RPL3: variants seen among roughly 807,000 people sequenced by gnomAD.
RPL3 encodes the protein large ribosomal subunit protein uL3.
Under a neutral mutation model 46.0 loss-of-function variants are expected in RPL3, and 3 were observed. That is an observed-to-expected ratio of 0.07 (90% CI 0.03 to 0.17). The LOEUF is 0.17. RPL3 is among the 10% of genes least tolerant of loss of function. The pLI is 1.00. For missense variants in RPL3, 387 were observed against 532.7 expected (o/e 0.73, Z 2.69); for synonymous variants, 224 against 190.8 (o/e 1.17, Z -1.43).
chr22:39,317,397 C>T (rs990224557), intron 3 of RPL3, 64 bp downstream of exon 3: 34 of 1,553,676 alleles, frequency 2.2e-5, no homozygotes, highest in Admixed American at 1.8e-4. Context: ...ACCATGCACA[C>T]GCTGCTCCCT....
At chr22:39,318,217 T>C (rs1423718062) in intron 2 of RPL3, 183 bp downstream of exon 2, 4 of 619,854 alleles carry the variant, frequency 6.5e-6, no homozygotes, top group African/African-American at 3.7e-5. Context: ...GCTGACCATC[T>C]GTAGCCTTGG....
chr22:39,314,231 A>G (rs371100633), intron 6 of RPL3, 23 bp from the exon 7 acceptor site: 160 of 1,602,788 alleles, frequency 1.0e-4, no homozygotes, highest in Non-Finnish European at 1.2e-4. Context: ...GAAGGGTGTA[A>G]GGCTGGGGCA....
At chr22:39,317,667 C>T in intron 2 of RPL3, 38 bp from the exon 3 acceptor site, 1 of 1,606,746 alleles carries the variant, frequency 6.2e-7, no homozygotes, top group Non-Finnish European at 8.5e-7. Context: ...TGGCAGGAGC[C>T]CAAGCAAGGG....
intron 5 of RPL3, 104 bp from the exon 6 acceptor site, chr22:39,314,950 G>A (rs1958880143): frequency 6.7e-7 from 1 of 1,481,656 alleles, no homozygotes; most frequent in Non-Finnish European, 9.2e-7. Context: ...CTGAGGGAGT[G>A]ATAAGATTAT....
In RPL3 at chr22:39,318,390, C is replaced by G. The variant is rs2146519816; in HGVS notation, c.196+10G>C. On this transcript the variant is annotated intron_variant, in intron 2 of 9. Transcript: ENST00000216146. ...CCTATTCCCCCAACTTTTAGGATGT[C>G]TGTACATACTGGATCCCGGCCTGTC... 1 of 1,613,080 alleles carries G rather than the reference C, an allele frequency of 6.2e-7. No individual in the cohort carries two copies. The highest frequency in any genetic ancestry group is 1.7e-4 in the Middle Eastern group (1 of 6,050).
At chr22:39,313,117 C>T (rs891754778) in intron 9 of RPL3, 74 bp downstream of exon 9, 10 of 1,597,612 alleles carry the variant, frequency 6.3e-6, no homozygotes, top group African/African-American at 2.7e-5. Context: ...ACCACCCCTA[C>T]CCCGGCTGGA....
chr22:39,319,032 CAAAGA>C (rs746848804), intron 1 of RPL3: 12 of 537,822 alleles, frequency 2.2e-5, no homozygotes, highest in Non-Finnish European at 4.2e-5. Flanking sequence ...ACACACAGGC[CAAAGA>C]ACTCCGCAGA....
intron 5 of RPL3, 93 bp from the exon 6 acceptor site, chr22:39,314,939 T>C: frequency 6.6e-7 from 1 of 1,510,634 alleles, no homozygotes; most frequent in Non-Finnish European, 9.0e-7. Flanking sequence ...GGCTGGGTCA[T>C]CTGAGGGAGT....
intron 1 of RPL3, 129 bp from the exon 2 acceptor site, chr22:39,318,721 A>G: frequency 1.3e-6 from 1 of 761,898 alleles, no homozygotes; most frequent in Non-Finnish European, 2.1e-6. Context: ...CAAGCCGAAT[A>G]AAAAGGTCAT....
chr22:39,316,991 G>A (rs1202183432), intron 3 of RPL3, 150 bp from the exon 4 acceptor site: 4 of 1,204,402 alleles, frequency 3.3e-6, no homozygotes, highest in Admixed American at 1.9e-5. Flanking sequence ...GCGGAGCCTG[G>A]ATGGAGCTCA....
intron 1 of RPL3, 140 bp from the exon 2 acceptor site, chr22:39,318,732 T>C: frequency 1.4e-6 from 1 of 700,610 alleles, no homozygotes. Context: ...AAAAGGTCAT[T>C]ATCTCTTCCA....
At chr22:39,318,764 C>A in intron 1 of RPL3, 172 bp from the exon 2 acceptor site, 1 of 617,230 alleles carries the variant, frequency 1.6e-6, no homozygotes, top group South Asian at 2.0e-5. Context: ...GTCAAGAATG[C>A]TTTTGTATTC....
chr22:39,318,235 G>C (rs937948249), intron 2 of RPL3, 165 bp downstream of exon 2: 74 of 664,080 alleles, frequency 1.1e-4, no homozygotes, highest in Non-Finnish European at 1.5e-4. Context: ...TGGAATATTA[G>C]TTTTCAAGTT....
intron 9 of RPL3, 57 bp downstream of exon 9, chr22:39,313,134 G>C (rs1601626132): frequency 1.3e-6 from 2 of 1,599,104 alleles, no homozygotes; most frequent in Non-Finnish European, 1.7e-6. Flanking sequence ...TGGAGCCAAA[G>C]GCAGGCGGCT....
At position 39,317,613 on chromosome 22, in the gene RPL3, C is replaced by G. The variant is rs757405581; in HGVS notation, c.213G>C (p.Glu71Asp). 19 of 1,613,836 alleles carry G rather than the reference C, an allele frequency of 1.2e-5. No homozygotes were observed. The highest frequency in any genetic ancestry group is 1.6e-5 in the Non-Finnish European group (19 of 1,179,772). The change falls in exon 3 of 10, where the codon GAG (glutamate) becomes GAC (aspartate). Residue 71 changes from glutamate (E) to aspartate (D), a missense_variant. Transcript: ENST00000216146. ...CTACAATGGTCACAGCCTCCACCAC[C>G]TCCTTCTTGTTCACCTCTGCAAAAA... ...DRPGSKVNKKEVVEAVTIVET... is the reference protein window; with the variant it reads ...DRPGSKVNKKDVVEAVTIVET...
intron 2 of RPL3, 61 bp downstream of exon 2, chr22:39,318,339 C>T: frequency 6.4e-7 from 1 of 1,567,014 alleles, no homozygotes; most frequent in Non-Finnish European, 8.7e-7. Flanking sequence ...TTGACTCCAT[C>T]TCTACAATTT....
rs1156266825 is a variant in RPL3, at chr22:39,318,504, C to G, written c.92G>C (p.Ser31Thr). 1 of 1,613,772 alleles carries G rather than the reference C, an allele frequency of 6.2e-7. No individual in the cohort carries two copies. Among genetic ancestry groups the G allele is most frequent in the Non-Finnish European group, 8.5e-7 (1 of 1,179,812 alleles). ...CTTGGACGGGTCATCCTTAGGGAAG[C>G]TCTTCACCTTCCCACGATGCCTGCT... The part of the protein sequence containing the change: ...RSSRHRGKVK[S>T]FPKDDPSKPV... Residue 31 changes from serine to threonine, a missense_variant, in exon 2 of 10, where the codon AGC becomes ACC. This residue lies in a region of RPL3 where 196 missense variants were observed against 217.5 expected (regional missense o/e 0.90). Transcript: ENST00000216146.
At chr22:39,317,956 T>C (rs1230728356) in intron 2 of RPL3, 1 of 373,794 alleles carries the variant, frequency 2.7e-6, no homozygotes, top group Admixed American at 4.2e-5. Flanking sequence ...GATTAGTCAG[T>C]ATCAACTGCC....
chr22:39,316,240 TA>T (rs137622), intron 4 of RPL3, among the ~76,000 whole-genome samples: 19 of 146,912 alleles, frequency 1.3e-4, no homozygotes, highest in Admixed American at 1.4e-4. Flanking sequence ...ATTCTGTCTC[TA>T]AAAAAAAAAA....
Sources: gnomAD v4.1 joint callset for allele counts (sites outside exome capture counted in the v4.1 genomes callset) on GRCh38, gnomAD v4.1.1 for gene constraint, gnomAD v4.1.1 regional missense constraint, MANE v1.5 for transcripts, NCBI Gene and HGNC (gene_info 2026-07-23, HGNC 2026-07-21) for gene names.